METTL6: variants seen among roughly 807,000 people sequenced by gnomAD.
METTL6 encodes tRNA N(3)-cytidine methyltransferase METTL6.
In METTL6, 22 loss-of-function variants were observed where a neutral mutation model predicts 26.4. The ratio of observed to expected loss-of-function variants is 0.83; its 90% CI spans 0.59 to 1.19. The LOEUF is 1.19. Ranked by LOEUF, METTL6 falls within the 50% of genes most tolerant of loss-of-function variation. The pLI, the probability that METTL6 is intolerant of heterozygous loss-of-function variation, is 0.00. For missense variants in METTL6, 304 were observed against 324.8 expected (o/e 0.94, Z 0.49); for synonymous variants, 109 against 116.2 (o/e 0.94, Z 0.40).
intron 3 of METTL6, among the ~76,000 whole-genome samples, chr3:15,424,328 G>C (rs998135078): frequency 6.6e-6 from 1 of 152,186 alleles, no homozygotes; most frequent in Non-Finnish European, 1.5e-5. Context: ...GTGCAGTGCT[G>C]CAATCTTGGC....
intron 3 of METTL6, among the ~76,000 whole-genome samples, chr3:15,420,416 G>T: frequency 6.6e-6 from 1 of 152,088 alleles, no homozygotes. Flanking sequence ...AGGGTAGTAA[G>T]TAACACATTT....
downstream of METTL6, among the ~76,000 whole-genome samples, chr3:15,405,054 T>C (rs1699748553): frequency 6.6e-6 from 1 of 152,222 alleles, no homozygotes; most frequent in Admixed American, 6.5e-5. Flanking sequence ...AGGCAGACAA[T>C]TATCTGTGCT....
exon 7 of METTL6, chr3:15,383,906 C>G: frequency 4.8e-6 from 1 of 208,618 alleles, no homozygotes; most frequent in Non-Finnish European, 9.8e-6. Flanking sequence ...GTGTATAAGA[C>G]TGAATACAGG....
chr3:15,413,783 A>G (rs1362385095), intron 5 of METTL6: 2 of 1,454,168 alleles, frequency 1.4e-6, no homozygotes, highest in East Asian at 3.0e-5. Context: ...GAGGCTGTCC[A>G]TTAACCCAAG....
chr3:15,406,625 TATATAGAGAGAG>T (rs1419314771), downstream of METTL6, among the ~76,000 whole-genome samples: 11 of 36,348 alleles, frequency 3.0e-4, no homozygotes, highest in Non-Finnish European at 4.2e-4. Context: ...TATATATATA[TATATAGAGAGAG>T]AGAGAGAGAG....
chr3:15,415,545 G>T, intron 4 of METTL6: 1 of 1,599,018 alleles, frequency 6.3e-7, no homozygotes, highest in Non-Finnish European at 8.5e-7. Flanking sequence ...AATCATCCTT[G>T]TCCCAGGGCT....
chr3:15,381,506 C>G (rs1179820232), exon 7 of METTL6: 1 of 152,188 alleles, frequency 6.6e-6, no homozygotes, highest in Non-Finnish European at 1.5e-5. Flanking sequence ...TCACAGTGCT[C>G]TTATAAATCT....
chr3:15,414,704 A>G (rs139387987), intron 4 of METTL6: 1 of 347,164 alleles, frequency 2.9e-6, no homozygotes, highest in Non-Finnish European at 5.7e-6. Flanking sequence ...GTCCAGTGTC[A>G]CAGGATTAAA....
chr3:15,396,072 T>A (rs1451987371), intron 6 of METTL6, among the ~76,000 whole-genome samples: 3 of 152,236 alleles, frequency 2.0e-5, no homozygotes, highest in Non-Finnish European at 4.4e-5. Flanking sequence ...TTCTCCTGGA[T>A]AATATCCTGC....
At chr3:15,414,719 T>TA (rs1201931291) in intron 4 of METTL6, 3 of 364,052 alleles carry the variant, frequency 8.2e-6, no homozygotes, top group Non-Finnish European at 1.6e-5. Flanking sequence ...ATTAAAATGT[T>TA]AGAGACCAAC....
intron 3 of METTL6, 132 bp downstream of exon 3, chr3:15,424,823 A>G: frequency 1.7e-6 from 2 of 1,161,442 alleles, no homozygotes; most frequent in Admixed American, 2.4e-5. Flanking sequence ...AAGCAGGACA[A>G]CTACATGTAT....
intron 6 of METTL6, among the ~76,000 whole-genome samples, chr3:15,400,124 T>C (rs1230299983): frequency 2.0e-5 from 3 of 152,132 alleles, no homozygotes. Flanking sequence ...GCCACCCTTC[T>C]GAAGGGTGCT....
downstream of METTL6, among the ~76,000 whole-genome samples, chr3:15,406,902 T>G (rs1352262052): frequency 6.6e-6 from 1 of 152,064 alleles, no homozygotes; most frequent in African/African-American, 2.4e-5. Context: ...AATGCTGGGA[T>G]TACAGGCATG....
intron 6 of METTL6, among the ~76,000 whole-genome samples, chr3:15,391,929 T>C (rs1376140836): frequency 1.3e-5 from 2 of 152,300 alleles, no homozygotes; most frequent in East Asian, 3.9e-4. Context: ...TCCAAGTCTT[T>C]GCTATTGTGA....
chr3:15,396,236 C>G (rs1001799670), intron 6 of METTL6, among the ~76,000 whole-genome samples: 1 of 152,032 alleles, frequency 6.6e-6, no homozygotes, highest in Non-Finnish European at 1.5e-5. Context: ...TCATTTCATT[C>G]ATTTGATCTT....
downstream of METTL6, among the ~76,000 whole-genome samples, chr3:15,408,222 CAG>C (rs1429201676): frequency 1.3e-5 from 2 of 152,132 alleles, no homozygotes; most frequent in Non-Finnish European, 2.9e-5. Context: ...GAACGAGACA[CAG>C]GGGTGGCGTG....
intron 6 of METTL6, among the ~76,000 whole-genome samples, chr3:15,398,445 C>T (rs921161818): frequency 4.6e-5 from 7 of 152,222 alleles, no homozygotes; most frequent in African/African-American, 1.7e-4. Flanking sequence ...CTGCCTGTCT[C>T]AGCCTCCCAA....
chr3:15,408,995 A>C (rs912037877), downstream of METTL6, among the ~76,000 whole-genome samples: 4 of 152,110 alleles, frequency 2.6e-5, no homozygotes, highest in African/African-American at 9.7e-5. Flanking sequence ...GCGGAGCTTG[A>C]GGCTGCTTCT....
intron 2 of METTL6, 145 bp downstream of exon 2, chr3:15,426,140 CAT>C (rs2061716076): frequency 1.4e-6 from 1 of 706,240 alleles, no homozygotes. Flanking sequence ...GGGGTTTCAT[CAT>C]GTTGGCCAGG....
Sources: gnomAD v4.1 joint callset for allele counts (sites outside exome capture counted in the v4.1 genomes callset) on GRCh38, gnomAD v4.1.1 for gene constraint, MANE v1.5 for transcripts, NCBI Gene and HGNC (gene_info 2026-07-23, HGNC 2026-07-21) for gene names.